The following AGBL4 variants were observed in gnomAD, a reference collection of about 807,000 sequenced individuals.
AGBL4 encodes the protein AGBL carboxypeptidase 4.
Under a neutral mutation model 66.4 loss-of-function variants are expected in AGBL4, and 58 were observed. The observed-to-expected ratio is 0.87, with a 90% CI of 0.71 to 1.09. The LOEUF (loss-of-function observed/expected upper bound fraction) is 1.09. Ranked by LOEUF, AGBL4 falls within the 50% of genes least tolerant of loss-of-function variation. AGBL4 has a pLI of 0.00. For synonymous variants in AGBL4, 234 were observed against 222.9 expected, an observed-to-expected ratio of 1.05 and a Z score of -0.44; for missense variants, 579 against 631.0, an observed-to-expected ratio of 0.92 and a Z score of 0.88.
chr1:49,963,986 T>C (rs936077225), intron 1 of AGBL4, among the ~76,000 whole-genome samples: 3 of 152,106 alleles, frequency 2.0e-5, no homozygotes, highest in African/African-American at 7.2e-5. Flanking sequence ...TTTCTGTTTC[T>C]CATGCAAAAA....
intron 5 of AGBL4, among the ~76,000 whole-genome samples, chr1:48,879,035 A>C (rs1208806349): frequency 1.3e-5 from 2 of 152,254 alleles, no homozygotes; most frequent in South Asian, 2.1e-4. Flanking sequence ...GTTCTTTGTA[A>C]GCCTGGGACA....
At chr1:49,953,363 TG>T (rs1310450739) in intron 1 of AGBL4, among the ~76,000 whole-genome samples, 17 of 152,084 alleles carry the variant, frequency 1.1e-4, no homozygotes, top group African/African-American at 3.9e-4. Flanking sequence ...TTTGATTAAA[TG>T]GGACCTCATT....
chr1:49,385,489 G>A (rs886284266), intron 3 of AGBL4, among the ~76,000 whole-genome samples: 1 of 151,864 alleles, frequency 6.6e-6, no homozygotes, highest in Non-Finnish European at 1.5e-5. Context: ...GAAATAAAAT[G>A]AAATACATTA....
intron 9 of AGBL4, among the ~76,000 whole-genome samples, chr1:48,600,494 G>T (rs1379844102): frequency 6.6e-6 from 1 of 152,194 alleles, no homozygotes; most frequent in Non-Finnish European, 1.5e-5. Flanking sequence ...AGCCCAAGCA[G>T]TCTGGCTCTG....
intron 2 of AGBL4, among the ~76,000 whole-genome samples, chr1:49,734,609 TATAAA>T (rs975998905): frequency 2.6e-5 from 4 of 152,016 alleles, no homozygotes; most frequent in Admixed American, 2.0e-4. Flanking sequence ...CAATGCAAGC[TATAAA>T]AAAAATGGCT....
intron 9 of AGBL4, among the ~76,000 whole-genome samples, chr1:48,598,966 T>C (rs1352462640): frequency 6.6e-6 from 1 of 152,192 alleles, no homozygotes; most frequent in Non-Finnish European, 1.5e-5. Flanking sequence ...CATAAGCTTT[T>C]TTTTCTAGTT....
At chr1:49,706,527 G>A (rs1438047884) in intron 2 of AGBL4, among the ~76,000 whole-genome samples, 1 of 151,772 alleles carries the variant, frequency 6.6e-6, no homozygotes, top group African/African-American at 2.4e-5. Context: ...TTTTTGAAGG[G>A]TTTTTCATCT....
chr1:49,188,192 C>T (rs1048871342), intron 4 of AGBL4, among the ~76,000 whole-genome samples: 1 of 152,074 alleles, frequency 6.6e-6, no homozygotes, highest in East Asian at 1.9e-4. Context: ...CGGGCTAATA[C>T]ACCCATTTTA....
chr1:48,599,680 A>G (rs758966324), intron 9 of AGBL4, among the ~76,000 whole-genome samples: 5 of 152,226 alleles, frequency 3.3e-5, no homozygotes, highest in Non-Finnish European at 5.9e-5. Flanking sequence ...AACACTAAGT[A>G]GATGGTGGTT....
At chr1:48,759,450 G>A (rs1484268094) in intron 6 of AGBL4, 7 of 1,266,796 alleles carry the variant, frequency 5.5e-6, no homozygotes, top group Non-Finnish European at 7.3e-6. Context: ...TATAAATGGG[G>A]AAACATTTTA....
chr1:48,727,048 G>T (rs2148541883), intron 6 of AGBL4, among the ~76,000 whole-genome samples: 1 of 152,310 alleles, frequency 6.6e-6, no homozygotes, highest in South Asian at 2.1e-4. Flanking sequence ...AAGTTCTAAT[G>T]TGGTTTGCCA....
At chr1:49,019,119 T>C (rs181153592) in intron 5 of AGBL4, among the ~76,000 whole-genome samples, 210 of 152,258 alleles carry the variant, frequency 1.4e-3, no homozygotes, top group Admixed American at 3.9e-3. Context: ...AGGCTATTAT[T>C]GAAGGTAGTG....
intron 9 of AGBL4, among the ~76,000 whole-genome samples, chr1:48,607,969 A>C (rs1162571627): frequency 6.6e-6 from 1 of 152,210 alleles, no homozygotes; most frequent in East Asian, 1.9e-4. Flanking sequence ...TGGTTGAATA[A>C]CTTGATTGAA....
chr1:49,558,453 C>T (rs1471961793), intron 3 of AGBL4, among the ~76,000 whole-genome samples: 3 of 152,112 alleles, frequency 2.0e-5, no homozygotes, highest in African/African-American at 7.2e-5. Flanking sequence ...AGCGATTCTC[C>T]TGTGAGCCTC....
chr1:49,247,472 T>C (rs1306355494), intron 3 of AGBL4, among the ~76,000 whole-genome samples: 2 of 152,140 alleles, frequency 1.3e-5, no homozygotes, highest in Non-Finnish European at 2.9e-5. Flanking sequence ...TAACCTAGAC[T>C]TGCCTTTTGT....
At chr1:49,039,577 A>G (rs1226378895) in intron 5 of AGBL4, among the ~76,000 whole-genome samples, 1 of 152,170 alleles carries the variant, frequency 6.6e-6, no homozygotes, top group East Asian at 1.9e-4. Flanking sequence ...AAAGTTGCCA[A>G]GATAATTCCT....
intron 6 of AGBL4, among the ~76,000 whole-genome samples, chr1:48,681,575 G>A (rs895667606): frequency 2.6e-5 from 4 of 152,176 alleles, no homozygotes; most frequent in African/African-American, 9.7e-5. Context: ...GGGAAGCTCT[G>A]CCAGGAAAAG....
At chr1:49,251,381 TTG>T in intron 3 of AGBL4, among the ~76,000 whole-genome samples, 2 of 152,166 alleles carry the variant, frequency 1.3e-5, no homozygotes, top group African/African-American at 4.8e-5. Flanking sequence ...CTCATAGCCA[TTG>T]CAAATGGAGG....
At chr1:49,965,313 T>C (rs1201997181) in intron 1 of AGBL4, among the ~76,000 whole-genome samples, 2 of 152,164 alleles carry the variant, frequency 1.3e-5, no homozygotes, top group Non-Finnish European at 2.9e-5. Flanking sequence ...ATCCTCCCTC[T>C]GGTCTTCTTC....
Sources: gnomAD v4.1 joint callset for allele counts (sites outside exome capture counted in the v4.1 genomes callset) on GRCh38, gnomAD v4.1.1 for gene constraint, MANE v1.5 for transcripts, NCBI Gene and HGNC (gene_info 2026-07-23, HGNC 2026-07-21) for gene names.